DPP6: variants seen among roughly 807,000 people sequenced by gnomAD.
DPP6 encodes the protein A-type potassium channel modulatory protein DPP6.
DPP6 carries 69 observed loss-of-function variants against 122.6 expected under a neutral mutation model. The ratio of observed to expected loss-of-function variants is 0.56; its 90% CI spans 0.46 to 0.69. The LOEUF is 0.69. DPP6 is among the 30% of genes least tolerant of loss of function. The probability of loss-of-function intolerance (pLI) is 0.00; values close to 1 mark genes in which losing one functional copy is unlikely to be tolerated. For missense variants in DPP6, 928 were observed against 1,116.9 expected (o/e 0.83, Z 2.41); for synonymous variants, 418 against 433.1 (o/e 0.97, Z 0.43).
chr7:153,967,638 G>A (rs780474339), intron 1 of DPP6, among the ~76,000 whole-genome samples: 3 of 152,100 alleles, frequency 2.0e-5, no homozygotes, highest in Non-Finnish European at 4.4e-5. Flanking sequence ...TAACATCAGT[G>A]TCTCTCTCTG....
rs760902966 is a variant in DPP6 at position 154,807,056 on chromosome 7, C to A, written c.1610C>A (p.Thr537Asn). The A allele has an allele frequency of 6.2e-7, 1 of 1,613,870 alleles. No homozygotes were observed. The highest frequency in any genetic ancestry group is 8.5e-7 in the Non-Finnish European group (1 of 1,179,866). Residue 537 changes from threonine to asparagine, a missense_variant, in exon 16 of 26, where the codon ACC becomes AAC. Thr to Asn is a moderately conservative substitution (Grantham distance 65, BLOSUM62 0). Transcript: ENST00000377770. ...TCCTGTGACCTGGTTGAGAACTGCA[C>A]CTACTTCAGCGCTTCCTTCAGCCAT... Reference protein sequence around the residue: ...CLSCDLVENCTYFSASFSHSM... With the variant: ...CLSCDLVENCNYFSASFSHSM...
rs1291848059 is a variant in DPP6 at position 154,062,269 on chromosome 7, G to A, written c.243+9206G>A. ...TTCTGACGGCAGGTACCTTACGTGG[G>A]ATTACTGAGAGCCAGTCCCTCTTCC... is the stretch of plus-strand genomic sequence containing the variant. On this transcript the variant is annotated intron_variant, in intron 1 of 25. Coordinates refer to ENST00000377770, the MANE Select transcript of DPP6 (RefSeq NM_130797.4). 1.6e-3 allele frequency among the ~76,000 whole-genome samples: 118 copies of A among 73,834 alleles called. 36 individuals are homozygous for A. Among genetic ancestry groups the A allele is most frequent in the Non-Finnish European group, 1.9e-3 (67 of 34,964 alleles). 48.4% of individuals were successfully genotyped at this position (73,834 alleles called of 152,430 possible).
At chr7:154,853,966 A>G (rs1802611632) in intron 17 of DPP6, 139 bp downstream of exon 17, 1 of 1,175,630 alleles carries the variant, frequency 8.5e-7, no homozygotes, top group Non-Finnish European at 1.2e-6. Flanking sequence ...AGAATAGGCC[A>G]TGCTGATCAC....
intron 6 of DPP6, among the ~76,000 whole-genome samples, chr7:154,662,153 C>CGT (rs1563074375): frequency 6.7e-6 from 1 of 149,868 alleles, no homozygotes; most frequent in Non-Finnish European, 1.5e-5. Flanking sequence ...ATCACCATGG[C>CGT]ATATTGGCCG....
intron 1 of DPP6, among the ~76,000 whole-genome samples, chr7:154,415,962 C>A (rs1816978423): frequency 6.6e-6 from 1 of 151,836 alleles, no homozygotes; most frequent in Non-Finnish European, 1.5e-5. Context: ...CTGGGAGAAC[C>A]ATGCCAGAGA....
At chr7:154,664,373 G>T (rs1838008002) in intron 6 of DPP6, among the ~76,000 whole-genome samples, 1 of 152,228 alleles carries the variant, frequency 6.6e-6, no homozygotes, top group Admixed American at 6.5e-5. Flanking sequence ...ATCCCCTGCT[G>T]TTTCTGAATA....
intron 1 of DPP6, among the ~76,000 whole-genome samples, chr7:154,010,336 C>T (rs972154889): frequency 6.6e-6 from 1 of 152,226 alleles, no homozygotes; most frequent in Non-Finnish European, 1.5e-5. Flanking sequence ...ACAACGGAAG[C>T]CCAGAGGGCT....
At chr7:154,405,269 A>G (rs942082911) in intron 1 of DPP6, among the ~76,000 whole-genome samples, 1 of 152,230 alleles carries the variant, frequency 6.6e-6, no homozygotes, top group African/African-American at 2.4e-5. Context: ...TCCAGTGAAA[A>G]GGAAATGATA....
At chr7:154,379,069 C>T (rs577855873) in intron 1 of DPP6, among the ~76,000 whole-genome samples, 1 of 152,276 alleles carries the variant, frequency 6.6e-6, no homozygotes, top group East Asian at 1.9e-4. Flanking sequence ...CCACCTCCTA[C>T]TAACATCACA....
intron 6 of DPP6, among the ~76,000 whole-genome samples, chr7:154,658,464 C>A (rs1232696421): frequency 6.6e-6 from 1 of 152,134 alleles, no homozygotes. Context: ...GAAGTGCTGG[C>A]CGAGACGGAA....
At chr7:153,846,753 C>T in the DPP6 span, among the ~76,000 whole-genome samples, 5,902 of 135,926 alleles carry the variant, frequency 0.043, 394 homozygotes, top group African/African-American at 0.16. Context: ...AGTGCAGTGG[C>T]GCAATCTCCA....
intron 1 of DPP6, among the ~76,000 whole-genome samples, chr7:153,909,153 A>G (rs573554774): frequency 1.1e-4 from 17 of 152,166 alleles, no homozygotes; most frequent in Non-Finnish European, 2.1e-4. Flanking sequence ...TTTGTCCCCA[A>G]AAGATTTACT....
At chr7:154,345,185 G>T (rs570613890) in intron 1 of DPP6, among the ~76,000 whole-genome samples, 1 of 152,166 alleles carries the variant, frequency 6.6e-6, no homozygotes, top group Non-Finnish European at 1.5e-5. Flanking sequence ...TCTCTTCTTG[G>T]TCTCCACACC....
At chr7:154,656,885 CGTGGG>C (rs1837301820) in intron 6 of DPP6, among the ~76,000 whole-genome samples, 1 of 87,210 alleles carries the variant, frequency 1.1e-5, no homozygotes, top group Non-Finnish European at 2.3e-5. Flanking sequence ...GGAGAAGCTG[CGTGGG>C]AGGAGGTGCT....
chr7:154,272,717 G>A (rs767558983), intron 1 of DPP6, among the ~76,000 whole-genome samples: 3 of 152,210 alleles, frequency 2.0e-5, no homozygotes, highest in Non-Finnish European at 4.4e-5. Context: ...GGCCTCAATA[G>A]AGCCTGAGAT....
At chr7:154,636,923 C>T (rs1422016509) in intron 5 of DPP6, among the ~76,000 whole-genome samples, 1 of 152,130 alleles carries the variant, frequency 6.6e-6, no homozygotes, top group Non-Finnish European at 1.5e-5. Context: ...CATTTAGCCA[C>T]ATAGGGCACC....
At chr7:154,189,915 T>A (rs972750269) in intron 1 of DPP6, among the ~76,000 whole-genome samples, 2 of 152,240 alleles carry the variant, frequency 1.3e-5, no homozygotes, top group Non-Finnish European at 2.9e-5. Context: ...GTCATTTTGA[T>A]GGCCAGTAAC....
intron 7 of DPP6, among the ~76,000 whole-genome samples, chr7:154,700,248 C>T (rs1176022494): frequency 1.3e-5 from 2 of 152,288 alleles, no homozygotes; most frequent in East Asian, 1.9e-4. Context: ...AAATATTTAG[C>T]GTCAAGTTTC....
chr7:153,906,370 T>C (rs1333643266), intron 1 of DPP6, among the ~76,000 whole-genome samples: 1 of 152,214 alleles, frequency 6.6e-6, no homozygotes, highest in Non-Finnish European at 1.5e-5. Context: ...ATCTTTGGAA[T>C]CTACAGTGTC....
Sources: allele counts gnomAD v4.1 joint callset (sites outside exome capture counted in the v4.1 genomes callset), GRCh38; gene constraint gnomAD v4.1.1; transcripts MANE v1.5; gene names NCBI Gene and HGNC (gene_info 2026-07-23, HGNC 2026-07-21).